The following MAP3K5 variants were observed in gnomAD, a reference collection of about 807,000 sequenced individuals.
MAP3K5 encodes ASK-1.
In MAP3K5, 56 loss-of-function variants were observed where a neutral mutation model predicts 158.7. The ratio of observed to expected loss-of-function variants is 0.35; its 90% confidence interval spans 0.28 to 0.44. The LOEUF (loss-of-function observed/expected upper bound fraction) is 0.44. MAP3K5 is among the 20% of genes least tolerant of loss of function. The probability of loss-of-function intolerance (pLI) is 1.00; values close to 1 mark genes in which losing one functional copy is unlikely to be tolerated. For synonymous variants in MAP3K5, 579 were observed against 601.7 expected (o/e 0.96, Z 0.55); for missense variants, 1,294 against 1,674.8 (o/e 0.77, Z 3.97).
At chr6:136,672,306 A>G (rs1583391738) in intron 7 of MAP3K5, among the ~76,000 whole-genome samples, 1 of 152,236 alleles carries the variant, frequency 6.6e-6, no homozygotes, top group East Asian at 1.9e-4. Context: ...AACAAAAAAA[A>G]TCACTGAAAT....
At chr6:136,763,867 T>C (rs1417821776) in intron 1 of MAP3K5, among the ~76,000 whole-genome samples, 2 of 152,074 alleles carry the variant, frequency 1.3e-5, no homozygotes, top group Non-Finnish European at 2.9e-5. Flanking sequence ...GACTGGTGAC[T>C]AAAGAGGAAA....
intron 13 of MAP3K5, among the ~76,000 whole-genome samples, chr6:136,638,576 A>G (rs1777762059): frequency 1.3e-5 from 2 of 152,336 alleles, no homozygotes; most frequent in South Asian, 4.1e-4. Context: ...TATAATTATC[A>G]TAGAAACAGG....
At position 136,642,472 on chromosome 6, in the gene MAP3K5, T is replaced by C. The variant is rs541747798; in HGVS notation, c.1838+48A>G. On this transcript the variant is annotated intron_variant, in intron 12 of 29. Coordinates refer to ENST00000359015, the MANE Select transcript of MAP3K5 (RefSeq NM_005923.4). ...GAAGTTCTATCCAGCCCATGAATAG[T>C]GGAGAAAAATGTCTTATAAGTTAAC... is the stretch of plus-strand genomic sequence containing the variant. The C allele has an allele frequency of 3.9e-6, 5 of 1,269,944 alleles. No individual in the cohort carries two copies. In the South Asian group the frequency reaches 6.1e-5, roughly 15 times the overall value. 78.7% of individuals were successfully genotyped at this position (1,269,944 alleles called of 1,614,324 possible). A position where few individuals can be genotyped will look rare whatever the true frequency, so the allele number is the denominator to read the frequency against.
At chr6:136,642,768 CT>C (rs1778045450) in intron 11 of MAP3K5, among the ~76,000 whole-genome samples, 199 bp from the exon 12 acceptor site, 1 of 152,010 alleles carries the variant, frequency 6.6e-6, no homozygotes, top group African/African-American at 2.4e-5. Flanking sequence ...TTAATAATTC[CT>C]GTACTTCAAT....
chr6:136,702,626 T>G (rs1780900453), intron 3 of MAP3K5, among the ~76,000 whole-genome samples: 1 of 152,244 alleles, frequency 6.6e-6, no homozygotes, highest in African/African-American at 2.4e-5. Flanking sequence ...CACTGAGGCA[T>G]GGTCATGAAA....
chr6:136,587,492 C>T (rs912234504), intron 23 of MAP3K5, among the ~76,000 whole-genome samples: 2 of 152,180 alleles, frequency 1.3e-5, no homozygotes, highest in African/African-American at 2.4e-5. Context: ...GAAGTTAAAT[C>T]GGTTGCCCAA....
Position 136,613,068 on chromosome 6 carries a change from T to G in MAP3K5, c.2415+52A>C. The G allele has an allele frequency of 6.5e-7, 1 of 1,531,016 alleles. No individual in the cohort carries two copies. The highest frequency in any genetic ancestry group is 1.3e-5 in the South Asian group (1 of 78,180). The allele number at this position is 1,531,016 out of a possible 1,614,324, so 94.8% of individuals were successfully genotyped here. A position where few individuals can be genotyped will look rare whatever the true frequency, so the allele number is the denominator to read the frequency against. ...CACAATATGACTTTTGCAAGTAAAA[T>G]AATAACCCAGCAAAGAAAGAACTCA... On this transcript the variant is annotated intron_variant, in intron 17 of 29. Transcript: ENST00000359015. The surrounding 1 kb of genome is among the most constrained non-coding windows in gnomAD (Gnocchi z 4.0).
At chr6:136,736,192 G>T (rs1338107112) in intron 1 of MAP3K5, among the ~76,000 whole-genome samples, 1 of 152,044 alleles carries the variant, frequency 6.6e-6, no homozygotes, top group South Asian at 2.1e-4. Context: ...GTGGGTGAGC[G>T]CCTGGGAGCT....
intron 5 of MAP3K5, among the ~76,000 whole-genome samples, chr6:136,696,953 G>A (rs558614183): frequency 6.6e-6 from 1 of 152,210 alleles, no homozygotes; most frequent in Admixed American, 6.5e-5. Context: ...CCACAGGTTC[G>A]CTGTGCCAGC....
Position 136,696,053 on chromosome 6 carries a change from T to C in MAP3K5, c.980A>G (p.Tyr327Cys), listed in dbSNP as rs1423770839. The change falls in exon 6 of 30, where the codon TAT becomes TGT. Residue 327 changes from tyrosine (Y) to cysteine (C), a missense_variant. By Grantham distance (194) the Tyr-to-Cys change is radical. This residue lies in a region of MAP3K5 where 690 missense variants were observed against 870.5 expected (regional missense o/e 0.79). Transcript: ENST00000359015. ...CTCTACCAGCTTCACAATAGAATCA[T>C]AGTCCTTTCAAATTAGATGAGAATA... ...LLLSYRDIQDYDSIVKLVETL... is the reference protein window; with the variant it reads ...LLLSYRDIQDCDSIVKLVETL... 9.4e-6 allele frequency: 15 copies of C among 1,590,208 alleles called. No individual in the cohort carries two copies. Among genetic ancestry groups the C allele is most frequent in the African/African-American group, 1.3e-5 (1 of 74,466 alleles).
At chr6:136,729,122 G>A (rs146743374) in intron 1 of MAP3K5, among the ~76,000 whole-genome samples, 75 of 152,276 alleles carry the variant, frequency 4.9e-4, no homozygotes, top group African/African-American at 1.5e-3. Context: ...CACATCCTTC[G>A]GAGGTGACCA....
intron 1 of MAP3K5, among the ~76,000 whole-genome samples, chr6:136,734,278 G>A (rs925231176): frequency 1.3e-5 from 2 of 151,880 alleles, no homozygotes; most frequent in Non-Finnish European, 2.9e-5. Context: ...AAATTAGCCA[G>A]GTGCAGTGAC....
At chr6:136,630,793 A>G (rs1185266873) in intron 14 of MAP3K5, among the ~76,000 whole-genome samples, 3 of 152,216 alleles carry the variant, frequency 2.0e-5, no homozygotes. Flanking sequence ...TAGGGAGCCA[A>G]TTCTTTGTGT....
chr6:136,614,133 T>C lies in MAP3K5; in HGVS notation c.2278+26A>G, dbSNP rs750516398. 23 of 1,607,448 alleles carry C rather than the reference T, an allele frequency of 1.4e-5. No homozygotes were observed. The Middle Eastern group carries it at 8.3e-4, about 58-fold the overall frequency. ...CCTCCGAAGCTCTAAACATTCACAC[T>C]TTTTAAAGAAAGAAATATCTCTTAC... On this transcript the variant is annotated intron_variant, in intron 16 of 29. Coordinates refer to ENST00000359015, the MANE Select transcript of MAP3K5 (RefSeq NM_005923.4).
chr6:136,733,358 T>C (rs1199710165), intron 1 of MAP3K5, among the ~76,000 whole-genome samples: 1 of 152,174 alleles, frequency 6.6e-6, no homozygotes, highest in African/African-American at 2.4e-5. Context: ...CTGCAAATAC[T>C]GTCACTGGGT....
intron 7 of MAP3K5, among the ~76,000 whole-genome samples, chr6:136,681,843 T>C (rs1470766546): frequency 2.0e-5 from 3 of 151,876 alleles, no homozygotes; most frequent in South Asian, 2.1e-4. Flanking sequence ...GGCGTGAACC[T>C]GGGAGGCAGA....
chr6:136,698,148 A>C (rs899662160), intron 4 of MAP3K5, among the ~76,000 whole-genome samples: 5 of 152,242 alleles, frequency 3.3e-5, no homozygotes, highest in East Asian at 1.9e-4. Context: ...AATTAGAGTT[A>C]AGAGTTAATT....
At chr6:136,720,299 A>C in intron 2 of MAP3K5, 151 bp downstream of exon 2, 4 of 608,148 alleles carry the variant, frequency 6.6e-6, no homozygotes, top group Non-Finnish European at 7.6e-6. Context: ...AATTCTCGAT[A>C]AACCTCCCAA....
intron 25 of MAP3K5, among the ~76,000 whole-genome samples, chr6:136,571,275 A>G (rs1774351552): frequency 6.6e-6 from 1 of 152,168 alleles, no homozygotes; most frequent in Non-Finnish European, 1.5e-5. Flanking sequence ...ATGTCCGTGT[A>G]CCTTATTCTT....
Sources: allele counts gnomAD v4.1 joint callset (sites outside exome capture counted in the v4.1 genomes callset), GRCh38; gene constraint gnomAD v4.1.1; regional missense constraint gnomAD v4.1.1; non-coding constraint Gnocchi (gnomAD v3.1); transcripts MANE v1.5; gene names NCBI Gene and HGNC (gene_info 2026-07-23, HGNC 2026-07-21).